The following CSMD3 variants were observed in gnomAD, a reference collection of about 807,000 sequenced individuals.
The protein encoded by CSMD3 is CUB and Sushi multiple domains 3, also known as CUB and sushi domain-containing protein 3.
A neutral mutation model predicts 435.2 loss-of-function variants in CSMD3; 177 were observed. The observed-to-expected ratio is 0.41, with a 90% confidence interval of 0.36 to 0.46. The LOEUF (loss-of-function observed/expected upper bound fraction) is 0.46, where lower values mean the gene tolerates loss of function less well. Ranked by LOEUF, CSMD3 falls within the 20% of genes least tolerant of loss-of-function variation. The pLI is 0.34. For synonymous variants in CSMD3, 1,656 were observed against 1,520.5 expected, an observed-to-expected ratio of 1.09 and a Z score of -2.07; for missense variants, 4,265 against 4,504.6, an observed-to-expected ratio of 0.95 and a Z score of 1.52.
chr8:112,804,728 G>A (rs916441836), intron 12 of CSMD3, among the ~76,000 whole-genome samples: 1 of 151,304 alleles, frequency 6.6e-6, no homozygotes, highest in South Asian at 2.1e-4. Flanking sequence ...GCATTGGCGC[G>A]ATCTCGGCTC....
chr8:112,528,144 T>C (rs1234217059), intron 27 of CSMD3, among the ~76,000 whole-genome samples: 2 of 152,160 alleles, frequency 1.3e-5, no homozygotes, highest in Non-Finnish European at 2.9e-5. Flanking sequence ...TTTAAAAAAA[T>C]TTTAATTGAG....
chr8:113,003,528 G>T (rs934980396), intron 6 of CSMD3, among the ~76,000 whole-genome samples: 1 of 151,932 alleles, frequency 6.6e-6, no homozygotes, highest in East Asian at 1.9e-4. Context: ...TAAGCTATTA[G>T]AATAATAGTA....
chr8:112,478,727 A>C (rs893261927), intron 31 of CSMD3, among the ~76,000 whole-genome samples: 1 of 152,166 alleles, frequency 6.6e-6, no homozygotes, highest in African/African-American at 2.4e-5. Flanking sequence ...CAAGCAAAAA[A>C]CAGCTTGAAG....
intron 11 of CSMD3, among the ~76,000 whole-genome samples, chr8:112,844,091 A>T (rs1009095560): frequency 6.6e-5 from 10 of 151,936 alleles, no homozygotes; most frequent in Non-Finnish European, 1.0e-4. Context: ...CAATAATATT[A>T]ACTATTCATA....
At chr8:112,832,324 T>C (rs771054138) in intron 11 of CSMD3, among the ~76,000 whole-genome samples, 3 of 152,140 alleles carry the variant, frequency 2.0e-5, no homozygotes, top group African/African-American at 7.2e-5. Context: ...ATCAATCCTA[T>C]GATTAGTTTA....
At chr8:112,837,265 A>T (rs1214073275) in intron 11 of CSMD3, among the ~76,000 whole-genome samples, 1 of 151,812 alleles carries the variant, frequency 6.6e-6, no homozygotes, top group Non-Finnish European at 1.5e-5. Context: ...AAAATACTCA[A>T]TATTAGACAT....
At chr8:112,590,897 T>C (rs1831130434) in intron 22 of CSMD3, among the ~76,000 whole-genome samples, 5 of 152,074 alleles carry the variant, frequency 3.3e-5, no homozygotes. Flanking sequence ...CTGATGCTAC[T>C]AACTGATAAA....
intron 35 of CSMD3, among the ~76,000 whole-genome samples, chr8:112,399,531 A>G (rs1449967713): frequency 6.6e-6 from 1 of 152,148 alleles, no homozygotes; most frequent in Non-Finnish European, 1.5e-5. Flanking sequence ...CTGGGATTAC[A>G]GTTGTGAGCC....
At chr8:112,969,572 T>C (rs1255022584) in intron 7 of CSMD3, among the ~76,000 whole-genome samples, 2 of 151,994 alleles carry the variant, frequency 1.3e-5, no homozygotes, top group Non-Finnish European at 1.5e-5. Context: ...TAAACAGTAG[T>C]AATGTCTATA....
At chr8:112,314,177 A>T (rs1822251496) in intron 48 of CSMD3, 125 bp from the exon 49 acceptor site, 1 of 762,534 alleles carries the variant, frequency 1.3e-6, no homozygotes. Context: ...TACCTCATTA[A>T]CAATAATTGA....
At chr8:112,258,491 G>C (rs1816025230) in intron 61 of CSMD3, among the ~76,000 whole-genome samples, 1 of 152,188 alleles carries the variant, frequency 6.6e-6, no homozygotes, top group African/African-American at 2.4e-5. Flanking sequence ...CTTTTCCAAA[G>C]AAGACATTTA....
intron 10 of CSMD3, among the ~76,000 whole-genome samples, chr8:112,872,265 C>T (rs2081157014): frequency 6.6e-6 from 1 of 152,000 alleles, no homozygotes; most frequent in Admixed American, 6.5e-5. Flanking sequence ...GTCAAAAGTG[C>T]AGTTACAATT....
intron 16 of CSMD3, among the ~76,000 whole-genome samples, chr8:112,673,796 A>AT (rs1345967497): frequency 6.6e-5 from 10 of 152,132 alleles, no homozygotes; most frequent in African/African-American, 2.4e-4. Context: ...CACTCAAAGA[A>AT]TTCTCTTAGA....
At chr8:112,554,317 A>T (rs898270607) in intron 25 of CSMD3, among the ~76,000 whole-genome samples, 1 of 151,996 alleles carries the variant, frequency 6.6e-6, no homozygotes, top group Non-Finnish European at 1.5e-5. Context: ...CTTTTATTGC[A>T]ACATTAATTT....
intron 3 of CSMD3, among the ~76,000 whole-genome samples, chr8:113,245,357 T>C (rs911531167): frequency 2.0e-5 from 3 of 152,060 alleles, no homozygotes; most frequent in Non-Finnish European, 4.4e-5. Context: ...TACTGTTTTG[T>C]ATTGTATTAA....
At chr8:113,069,971 G>GA (rs2089035139) in intron 5 of CSMD3, among the ~76,000 whole-genome samples, 1 of 152,078 alleles carries the variant, frequency 6.6e-6, no homozygotes, top group African/African-American at 2.4e-5. Context: ...GTCTAACTGA[G>GA]AAACACACCT....
intron 22 of CSMD3, among the ~76,000 whole-genome samples, chr8:112,599,538 T>C (rs950849767): frequency 2.9e-4 from 44 of 152,130 alleles, no homozygotes; most frequent in African/African-American, 1.0e-3. Context: ...CAAAGGACTA[T>C]AAATCATGCT....
At chr8:112,881,280 A>T (rs1387396557) in intron 10 of CSMD3, among the ~76,000 whole-genome samples, 2 of 152,056 alleles carry the variant, frequency 1.3e-5, no homozygotes, top group Non-Finnish European at 2.9e-5. Flanking sequence ...CAACATTTTG[A>T]GGAGTCATAT....
intron 10 of CSMD3, among the ~76,000 whole-genome samples, chr8:112,913,791 T>C (rs1176026955): frequency 1.3e-5 from 2 of 151,880 alleles, no homozygotes; most frequent in African/African-American, 4.8e-5. Flanking sequence ...AATCTCTATG[T>C]CTGTCTTTCT....
Sources: allele counts gnomAD v4.1 joint callset (sites outside exome capture counted in the v4.1 genomes callset), GRCh38; gene constraint gnomAD v4.1.1; transcripts MANE v1.5; gene names NCBI Gene and HGNC (gene_info 2026-07-23, HGNC 2026-07-21).